The following NTNG2 variants were observed in gnomAD, a reference collection of about 807,000 sequenced individuals.
NTNG2 encodes the protein netrin-G2.
Under a neutral mutation model 47.6 loss-of-function variants are expected in NTNG2, and 15 were observed. The ratio of observed to expected loss-of-function variants is 0.32; its 90% CI spans 0.21 to 0.49. The LOEUF (loss-of-function observed/expected upper bound fraction) is 0.49, where lower values mean the gene tolerates loss of function less well. Ranked by LOEUF, NTNG2 falls within the 20% of genes least tolerant of loss-of-function variation. NTNG2 has a pLI of 0.99. For missense variants in NTNG2, 578 were observed against 764.6 expected (o/e 0.76, Z 2.88); for synonymous variants, 307 against 324.6 (o/e 0.95, Z 0.58).
intron 7 of NTNG2, 35 bp from the exon 8 acceptor site, chr9:132,241,841 C>T: frequency 2.7e-6 from 4 of 1,454,780 alleles, no homozygotes; most frequent in South Asian, 1.2e-5. Context: ...GGGGACCGGG[C>T]CACCCCCCGT....
intron 3 of NTNG2, among the ~76,000 whole-genome samples, chr9:132,213,962 G>A (rs961516734): frequency 3.9e-5 from 6 of 152,160 alleles, no homozygotes; most frequent in Admixed American, 2.0e-4. Flanking sequence ...GACAAGTTGG[G>A]GACTAGCTCT....
chr9:132,202,055 G>C (rs1422422544), intron 3 of NTNG2, among the ~76,000 whole-genome samples: 1 of 152,214 alleles, frequency 6.6e-6, no homozygotes, highest in Non-Finnish European at 1.5e-5. Context: ...CCCTAGCCCT[G>C]GCCCGGTGGC....
chr9:132,212,498 T>A, intron 3 of NTNG2, among the ~76,000 whole-genome samples: 1 of 152,174 alleles, frequency 6.6e-6, no homozygotes, highest in East Asian at 1.9e-4. Flanking sequence ...ATTGCCGGCC[T>A]GATTGCGTTC....
At chr9:132,220,055 C>T (rs954073547) in intron 3 of NTNG2, among the ~76,000 whole-genome samples, 1 of 152,176 alleles carries the variant, frequency 6.6e-6, no homozygotes, top group Non-Finnish European at 1.5e-5. Context: ...AGTGGTATCT[C>T]ATTATGGCTT....
At position 132,182,062 on chromosome 9, in the gene NTNG2, G is replaced by T. The variant is rs931267415; in HGVS notation, c.213+15018G>T. Among the ~76,000 whole-genome samples, 1 of 152,224 alleles carries T rather than the reference G, an allele frequency of 6.6e-6. No individual in the cohort carries two copies. The highest frequency in any genetic ancestry group is 6.5e-5 in the Admixed American group (1 of 15,282). On this transcript the variant is annotated intron_variant, in intron 2 of 7. Transcript: ENST00000393229. This position sits in a 1 kb window ranked among gnomAD's most constrained non-coding sequence, Gnocchi z 4.2. ...CACCCCGGCAGCCCAGAGAAGGGAGGGCCCGGAGGAGTGACGGTGTTCCCC... is the reference window on the plus strand; with the variant it reads ...CACCCCGGCAGCCCAGAGAAGGGAGTGCCCGGAGGAGTGACGGTGTTCCCC...
chr9:132,187,569 A>AAGAGAGAG (rs66498690), intron 2 of NTNG2, among the ~76,000 whole-genome samples: 2 of 138,946 alleles, frequency 1.4e-5, no homozygotes, highest in East Asian at 2.1e-4. Context: ...GAGAGGGAGC[A>AAGAGAGAG]AGAGAGAGAG....
At chr9:132,167,194 G>A (rs1174186063) in intron 2 of NTNG2, 150 bp downstream of exon 2, 13 of 768,512 alleles carry the variant, frequency 1.7e-5, no homozygotes, top group Non-Finnish European at 2.7e-5. Context: ...CCTGGACCAG[G>A]TCTTTGTCCC....
At chr9:132,207,925 G>A (rs1400500459) in intron 3 of NTNG2, among the ~76,000 whole-genome samples, 1 of 152,092 alleles carries the variant, frequency 6.6e-6, no homozygotes. Flanking sequence ...GCCACATGGT[G>A]AAACCCCATC....
intron 3 of NTNG2, among the ~76,000 whole-genome samples, chr9:132,212,191 C>T (rs367978169): frequency 1.3e-5 from 2 of 152,114 alleles, no homozygotes; most frequent in African/African-American, 4.8e-5. Flanking sequence ...GTCCTTCCCT[C>T]GGGGGTGTTG....
In NTNG2 at chr9:132,215,811, A is replaced by G. The variant is rs938857419; in HGVS notation, c.858-11038A>G. Reference sequence around the variant, plus strand: ...TCAGGCACCTCAGGGCTGCCAGGTAAGGCCGATCTTGGCACCTGGGAGCCC... The same window carrying G: ...TCAGGCACCTCAGGGCTGCCAGGTAGGGCCGATCTTGGCACCTGGGAGCCC... On this transcript the variant is annotated intron_variant, in intron 3 of 7. Coordinates refer to ENST00000393229, the MANE Select transcript of NTNG2 (RefSeq NM_032536.4). The surrounding 1 kb of genome is among the most constrained non-coding windows in gnomAD (Gnocchi z 4.2). 1.3e-5 allele frequency among the ~76,000 whole-genome samples: 2 copies of G among 152,118 alleles called. No homozygotes were observed. The highest frequency in any genetic ancestry group is 2.9e-5 in the Non-Finnish European group (2 of 68,016).
intron 1 of NTNG2, among the ~76,000 whole-genome samples, chr9:132,164,356 G>C (rs1225262647): frequency 6.6e-6 from 1 of 152,142 alleles, no homozygotes. Context: ...CCCGCGCCCG[G>C]CGGCGTCCAG....
intron 2 of NTNG2, among the ~76,000 whole-genome samples, chr9:132,186,290 CTCT>C (rs1837380215): frequency 1.3e-5 from 2 of 152,214 alleles, no homozygotes; most frequent in Non-Finnish European, 2.9e-5. Context: ...TGCACGGGCA[CTCT>C]TCAACTGGGA....
intron 2 of NTNG2, among the ~76,000 whole-genome samples, chr9:132,192,226 G>A (rs949880565): frequency 1.3e-5 from 2 of 152,172 alleles, no homozygotes. Context: ...ATGCTGACTG[G>A]GGACTGGGGT....
chr9:132,242,036 C>T lies in NTNG2; in HGVS notation c.1518C>T (p.Pro506=), dbSNP rs1842024137. 18 of 1,289,436 alleles carry T rather than the reference C, an allele frequency of 1.4e-5. No individual in the cohort carries two copies. Among genetic ancestry groups the T allele is most frequent in the Non-Finnish European group, 1.8e-5 (18 of 1,022,840 alleles). The allele number at this position is 1,289,436 out of a possible 1,614,324, so 79.9% of individuals were successfully genotyped here. A position where few individuals can be genotyped will look rare whatever the true frequency, so the allele number is the denominator to read the frequency against. ...GCGGTCTGGACTGCGACCGCGCGCC[C>T]GGGGCCGCCCCGCGCCCCGCCACCC... The part of the protein sequence containing the change: ...DDGGLDCDRA[P]GAAPRPATLL... Residue 506 remains proline, a synonymous_variant, in exon 8 of 8, where the codon CCC becomes CCT. Coordinates refer to ENST00000393229, the MANE Select transcript of NTNG2 (RefSeq NM_032536.4). The surrounding 1 kb of genome is among the most constrained non-coding windows in gnomAD (Gnocchi z 5.9).
At chr9:132,238,126 G>T (rs1471598086) in intron 5 of NTNG2, among the ~76,000 whole-genome samples, 1 of 119,078 alleles carries the variant, frequency 8.4e-6, no homozygotes, top group Non-Finnish European at 1.6e-5. Flanking sequence ...AGCCACATTG[G>T]CTTTCTTGCT....
chr9:132,238,759 A>T (rs931163192), intron 5 of NTNG2, among the ~76,000 whole-genome samples: 1 of 152,176 alleles, frequency 6.6e-6, no homozygotes, highest in Non-Finnish European at 1.5e-5. Flanking sequence ...ATCACTTTCT[A>T]ATCACCCCGG....
At chr9:132,213,781 T>G (rs950411275) in intron 3 of NTNG2, among the ~76,000 whole-genome samples, 2 of 152,234 alleles carry the variant, frequency 1.3e-5, no homozygotes, top group African/African-American at 4.8e-5. Flanking sequence ...CTGGCTGTGT[T>G]AAAATAGTAG....
chr9:132,175,835 A>C (rs905450220), intron 2 of NTNG2, among the ~76,000 whole-genome samples: 7 of 152,004 alleles, frequency 4.6e-5, no homozygotes, highest in Non-Finnish European at 1.0e-4. Flanking sequence ...TAGATTAACC[A>C]GTTCATTCAA....
chr9:132,179,350 G>A (rs1341676955), intron 2 of NTNG2, among the ~76,000 whole-genome samples: 1 of 152,210 alleles, frequency 6.6e-6, no homozygotes, highest in Non-Finnish European at 1.5e-5. Context: ...TGTCACTACT[G>A]GTGACTGGCA....
Sources: gnomAD v4.1 joint callset for allele counts (sites outside exome capture counted in the v4.1 genomes callset) on GRCh38, gnomAD v4.1.1 for gene constraint, Gnocchi (gnomAD v3.1) non-coding constraint, MANE v1.5 for transcripts, NCBI Gene and HGNC (gene_info 2026-07-23, HGNC 2026-07-21) for gene names.